NLN: variants seen among roughly 807,000 people sequenced by gnomAD.
NLN encodes neurolysin.
Under a neutral mutation model 79.9 loss-of-function variants are expected in NLN, and 64 were observed. The ratio of observed to expected loss-of-function variants is 0.80; its 90% CI spans 0.65 to 0.99. NLN has a LOEUF of 0.99. Among genes scored for constraint, NLN ranks in the 50% least tolerant of loss-of-function variants. NLN has a pLI of 0.00. For missense variants in NLN, 835 were observed against 858.7 expected (o/e 0.97, Z 0.34); for synonymous variants, 267 against 296.6 (o/e 0.90, Z 1.02).
At chr5:65,822,728 T>C in intron 12 of NLN, 53 bp from the exon 13 acceptor site, 3 of 1,435,718 alleles carry the variant, frequency 2.1e-6, no homozygotes, top group Non-Finnish European at 2.9e-6. Context: ...ATCTAGAGAT[T>C]TGGAAAATTG....
chr5:65,729,623 G>C (rs1009282785), intron 1 of NLN, among the ~76,000 whole-genome samples: 1 of 151,866 alleles, frequency 6.6e-6, no homozygotes, highest in Admixed American at 6.6e-5. Flanking sequence ...ATTCACCCGC[G>C]TCGGCCTCCC....
chr5:65,754,810 C>T (rs1379439285), intron 1 of NLN, among the ~76,000 whole-genome samples: 1 of 152,164 alleles, frequency 6.6e-6, no homozygotes, highest in African/African-American at 2.4e-5. Context: ...GGCTCATCAT[C>T]TGGTTTTCCC....
At chr5:65,775,730 C>T (rs1247270872) in intron 3 of NLN, among the ~76,000 whole-genome samples, 1 of 152,218 alleles carries the variant, frequency 6.6e-6, no homozygotes, top group Non-Finnish European at 1.5e-5. Flanking sequence ...CAGTTATCTC[C>T]CTGGCCATTG....
chr5:65,722,354 G>T lies in NLN; in HGVS notation c.-20G>T, dbSNP rs761534993. The T allele has an allele frequency of 5.8e-6, 9 of 1,553,662 alleles. No individual in the cohort carries two copies. The highest frequency in any genetic ancestry group is 7.8e-6 in the Non-Finnish European group (9 of 1,153,526). On this transcript the variant is annotated 5_prime_UTR_variant, in exon 1 of 13. Coordinates refer to ENST00000380985, the MANE Select transcript of NLN (RefSeq NM_020726.5). ...GCCGAAGGACCACGCGCCCGCCGCC[G>T]CCAGCCTCTCAGCGCTCCCATGATC...
intron 3 of NLN, among the ~76,000 whole-genome samples, chr5:65,765,723 A>T (rs1759437580): frequency 6.6e-6 from 1 of 151,778 alleles, no homozygotes; most frequent in African/African-American, 2.4e-5. Context: ...AGAAAAAAAA[A>T]AAAATCCACA....
At chr5:65,765,824 T>G (rs1759439671) in intron 3 of NLN, among the ~76,000 whole-genome samples, 1 of 152,224 alleles carries the variant, frequency 6.6e-6, no homozygotes, top group African/African-American at 2.4e-5. Flanking sequence ...TAGGATGCTC[T>G]GAATAATATT....
At chr5:65,782,349 G>A (rs1463099732) in intron 6 of NLN, among the ~76,000 whole-genome samples, 2 of 152,182 alleles carry the variant, frequency 1.3e-5, no homozygotes, top group Non-Finnish European at 2.9e-5. Flanking sequence ...TTGTAGGCCA[G>A]ACTTACGATA....
At position 65,777,543 on chromosome 5, in the gene NLN, A is replaced by G; in HGVS notation, c.558+9A>G. ...CTGAACAAGTACAGAATGTGAGTTTATGTTTTCTTTTCTTATCAGAAAAAA... is the reference window on the plus strand; with the variant it reads ...CTGAACAAGTACAGAATGTGAGTTTGTGTTTTCTTTTCTTATCAGAAAAAA... On this transcript the variant is annotated intron_variant, in intron 4 of 12. Transcript: ENST00000380985. 1 of 1,488,742 alleles carries G rather than the reference A, an allele frequency of 6.7e-7. No homozygotes were observed. Among genetic ancestry groups the G allele is most frequent in the Non-Finnish European group, 9.3e-7 (1 of 1,078,674 alleles). The allele number at this position is 1,488,742 out of a possible 1,614,324, so 92.2% of individuals were successfully genotyped here.
At chr5:65,749,994 A>G (rs1390640942) in intron 1 of NLN, among the ~76,000 whole-genome samples, 1 of 152,142 alleles carries the variant, frequency 6.6e-6, no homozygotes, top group Non-Finnish European at 1.5e-5. Context: ...CTACTCGGTA[A>G]ATGAGTTCTC....
Position 65,781,388 on chromosome 5 carries a change from G to T in NLN, c.789G>T (p.Arg263Ser), listed in dbSNP as rs146084904. 2.0e-4 allele frequency: 321 copies of T among 1,609,778 alleles called. No individual in the cohort carries two copies. The highest frequency in any genetic ancestry group is 2.6e-4 in the Non-Finnish European group (307 of 1,176,392). Residue 263 changes from arginine (R) to serine (S), a missense_variant, in exon 6 of 13, where the codon AGG becomes AGT. Transcript: ENST00000380985. ...KKCCIPETRR[R>S]MEMAFNTRCK... Reference sequence around the variant, plus strand: ...GTTGTATCCCTGAAACCAGAAGAAGGATGGAAATGGCTTTTAATACAAGGT... The same window carrying T: ...GTTGTATCCCTGAAACCAGAAGAAGTATGGAAATGGCTTTTAATACAAGGT...
intron 11 of NLN, among the ~76,000 whole-genome samples, chr5:65,811,973 T>TA (rs1335555881): frequency 6.6e-6 from 1 of 152,212 alleles, no homozygotes; most frequent in Admixed American, 6.5e-5. Flanking sequence ...ATTTCAGTTC[T>TA]AAAACACTGA....
intron 9 of NLN, among the ~76,000 whole-genome samples, chr5:65,794,942 A>G (rs1447485843): frequency 6.6e-6 from 1 of 152,258 alleles, no homozygotes; most frequent in African/African-American, 2.4e-5. Flanking sequence ...AGAGGGGAAT[A>G]GTATATGAGT....
chr5:65,746,733 G>A (rs184563370), intron 1 of NLN, among the ~76,000 whole-genome samples: 76 of 152,300 alleles, frequency 5.0e-4, no homozygotes, highest in Non-Finnish European at 1.5e-4. Context: ...AGCCGGGCGC[G>A]GTGGCTCACG....
rs995592316 is a variant in NLN at position 65,823,081 on chromosome 5, A to G, written c.*166A>G. ...TATAAAGATGTAAATGGAATTATAA[A>G]TACTGTGACCTAAGAAAAGACCCAC... On this transcript the variant is annotated 3_prime_UTR_variant, in exon 13 of 13. Coordinates refer to ENST00000380985, the MANE Select transcript of NLN (RefSeq NM_020726.5). 3 of 557,166 alleles carry G rather than the reference A, an allele frequency of 5.4e-6. No individual in the cohort carries two copies. Among genetic ancestry groups the G allele is most frequent in the Admixed American group, 3.5e-5 (1 of 28,936 alleles). 34.5% of individuals were successfully genotyped at this position (557,166 alleles called of 1,614,324 possible).
intron 9 of NLN, among the ~76,000 whole-genome samples, chr5:65,801,242 A>G (rs1375796163): frequency 6.6e-6 from 1 of 152,224 alleles, no homozygotes; most frequent in African/African-American, 2.4e-5. Context: ...ACTATTACCA[A>G]CACCTTCAAA....
At chr5:65,821,744 T>C (rs1455394187) in intron 12 of NLN, among the ~76,000 whole-genome samples, 13 of 152,126 alleles carry the variant, frequency 8.5e-5, no homozygotes, top group African/African-American at 3.1e-4. Context: ...CTGCAAATGA[T>C]TTCTATTTAT....
chr5:65,793,853 A>T (rs1011132131), intron 9 of NLN, among the ~76,000 whole-genome samples: 13 of 152,176 alleles, frequency 8.5e-5, no homozygotes, highest in African/African-American at 3.1e-4. Flanking sequence ...CCTACTTGTA[A>T]CATCTTCCAT....
chr5:65,802,105 CCTCTGTGACCA>C (rs1760297349), intron 9 of NLN, among the ~76,000 whole-genome samples: 1 of 152,196 alleles, frequency 6.6e-6, no homozygotes, highest in Admixed American at 6.5e-5. Flanking sequence ...CAGCCAGAAA[CCTCTGTGACCA>C]GTGGTACCTT....
In NLN at chr5:65,827,664, G is replaced by A. The variant is rs1760944926; in HGVS notation, c.*4749G>A. The A allele has an allele frequency of 6.6e-6, 1 of 152,116 alleles. No individual in the cohort carries two copies. The highest frequency in any genetic ancestry group is 6.5e-5 in the Admixed American group (1 of 15,276). 9.4% of individuals were successfully genotyped at this position (152,116 alleles called of 1,614,324 possible). A position where few individuals can be genotyped will look rare whatever the true frequency, so the allele number is the denominator to read the frequency against. ...AATGAAAAAAAAGTCCCATAAAAAG[G>A]TATCAAATGTACAGATAATAGGGCT... On this transcript the variant is annotated 3_prime_UTR_variant, in exon 13 of 13. Transcript: ENST00000380985.
Sources: gnomAD v4.1 joint callset for allele counts (sites outside exome capture counted in the v4.1 genomes callset) on GRCh38, gnomAD v4.1.1 for gene constraint, MANE v1.5 for transcripts, NCBI Gene and HGNC (gene_info 2026-07-23, HGNC 2026-07-21) for gene names.